Variants in ATP6V1H observed in about 807,000 individuals in gnomAD.
The protein encoded by ATP6V1H is ATPase H+ transporting V1 subunit H, also known as V-type proton ATPase subunit H.
ATP6V1H carries 39 observed loss-of-function variants against 71.7 expected under a neutral mutation model. That is an observed-to-expected ratio of 0.54 (90% CI 0.42 to 0.71). ATP6V1H has a LOEUF of 0.71. Among genes scored for constraint, ATP6V1H ranks in the 30% least tolerant of loss-of-function variants. ATP6V1H has a pLI of 0.00. For missense variants in ATP6V1H, 509 were observed against 594.9 expected, an observed-to-expected ratio of 0.86 and a Z score of 1.50; for synonymous variants, 192 against 199.3, an observed-to-expected ratio of 0.96 and a Z score of 0.31.
rs548219315 is a variant in ATP6V1H, at chr8:53,732,071, T to G, written c.1391+11506A>C. ...GGAAGCGTGGCCTGATCACCCACAG[T>G]GTGCCTTTATTGGCACTTTGGTTTT... is the stretch of plus-strand genomic sequence containing the variant. On this transcript the variant is annotated intron_variant, in intron 13 of 13. Coordinates refer to ENST00000359530, the MANE Select transcript of ATP6V1H (RefSeq NM_015941.4). Among the ~76,000 whole-genome samples, 44 of 152,366 alleles carry G rather than the reference T, an allele frequency of 2.9e-4. 1 individual carries two copies. The highest frequency in any genetic ancestry group is 3.4e-3 in the Middle Eastern group (1 of 294).
At chr8:53,788,798 C>G (rs760210343) in intron 9 of ATP6V1H, among the ~76,000 whole-genome samples, 1 of 152,186 alleles carries the variant, frequency 6.6e-6, no homozygotes, top group African/African-American at 2.4e-5. Flanking sequence ...TTACACTACT[C>G]TATTTCTCAG....
At chr8:53,823,972 TG>T (rs906724586) in intron 4 of ATP6V1H, among the ~76,000 whole-genome samples, 2 of 140,850 alleles carry the variant, frequency 1.4e-5, no homozygotes, top group Non-Finnish European at 3.1e-5. Context: ...ATTAACAAAA[TG>T]GGGGAGAAAC....
chr8:53,725,518 C>G (rs945727766), intron 13 of ATP6V1H, among the ~76,000 whole-genome samples: 1 of 149,514 alleles, frequency 6.7e-6, no homozygotes, highest in Non-Finnish European at 1.5e-5. Context: ...GCAGTCTTGA[C>G]TCAATTTCCA....
chr8:53,783,749 T>C (rs1051051031), intron 9 of ATP6V1H, among the ~76,000 whole-genome samples: 47 of 152,348 alleles, frequency 3.1e-4, no homozygotes, highest in African/African-American at 9.9e-4. Context: ...GTGTCTTTGT[T>C]CTCATTGGTT....
At chr8:53,790,070 C>A (rs1458272459) in intron 9 of ATP6V1H, among the ~76,000 whole-genome samples, 1 of 152,180 alleles carries the variant, frequency 6.6e-6, no homozygotes, top group Non-Finnish European at 1.5e-5. Flanking sequence ...TAACAACTTC[C>A]AATTTAGACA....
chr8:53,724,691 T>G (rs1465258521), intron 13 of ATP6V1H, among the ~76,000 whole-genome samples: 1 of 151,240 alleles, frequency 6.6e-6, no homozygotes, highest in African/African-American at 2.4e-5. Context: ...GCATGTCTAG[T>G]TCTGGTCTGC....
intron 7 of ATP6V1H, among the ~76,000 whole-genome samples, chr8:53,807,908 TA>T (rs1215368433): frequency 6.6e-6 from 1 of 152,220 alleles, no homozygotes; most frequent in African/African-American, 2.4e-5. Flanking sequence ...CACATATGGT[TA>T]GGGGCTGCCA....
intron 11 of ATP6V1H, among the ~76,000 whole-genome samples, chr8:53,766,065 C>CTA (rs947296376): frequency 6.6e-6 from 1 of 152,190 alleles, no homozygotes; most frequent in Non-Finnish European, 1.5e-5. Context: ...ACCCACAGAG[C>CTA]TATACACAAA....
chr8:53,745,764 C>T (rs562684625), intron 12 of ATP6V1H, among the ~76,000 whole-genome samples: 4 of 152,158 alleles, frequency 2.6e-5, no homozygotes, highest in African/African-American at 9.6e-5. Flanking sequence ...AAACAGACCA[C>T]GTAAAGGACG....
intron 9 of ATP6V1H, among the ~76,000 whole-genome samples, chr8:53,777,087 A>G (rs1808916098): frequency 6.6e-6 from 1 of 152,230 alleles, no homozygotes; most frequent in Admixed American, 6.5e-5. Flanking sequence ...TGCAATATCA[A>G]AAGGTCTAAC....
chr8:53,723,632 T>TA (rs1806702351), intron 13 of ATP6V1H, among the ~76,000 whole-genome samples: 1 of 152,230 alleles, frequency 6.6e-6, no homozygotes, highest in African/African-American at 2.4e-5. Flanking sequence ...GTAATTCCCC[T>TA]GCTGGGTGAG....
chr8:53,767,530 T>TAA (rs1189662908), intron 11 of ATP6V1H, among the ~76,000 whole-genome samples: 3 of 152,112 alleles, frequency 2.0e-5, no homozygotes, highest in African/African-American at 4.8e-5. Flanking sequence ...TCTTTTTTTT[T>TAA]ATAAAAAGAA....
intron 12 of ATP6V1H, among the ~76,000 whole-genome samples, chr8:53,744,305 G>A (rs1295257534): frequency 6.6e-6 from 1 of 151,882 alleles, no homozygotes; most frequent in Non-Finnish European, 1.5e-5. Flanking sequence ...ACTGACAACC[G>A]ACACTGCTTT....
intron 10 of ATP6V1H, among the ~76,000 whole-genome samples, 167 bp downstream of exon 10, chr8:53,771,822 C>T (rs1808668847): frequency 6.6e-6 from 1 of 152,022 alleles, no homozygotes; most frequent in South Asian, 2.1e-4. Context: ...CAGTTCTGAC[C>T]AATTGTTGCC....
At chr8:53,772,916 AAAAAAAC>A (rs1354491660) in intron 9 of ATP6V1H, among the ~76,000 whole-genome samples, 1 of 151,558 alleles carries the variant, frequency 6.6e-6, no homozygotes, top group South Asian at 2.1e-4. Context: ...AAAAAAAAAA[AAAAAAAC>A]AAAACAGTAA....
intron 13 of ATP6V1H, among the ~76,000 whole-genome samples, chr8:53,732,672 G>GA (rs577072917): frequency 1.1e-4 from 15 of 140,134 alleles, no homozygotes; most frequent in East Asian, 2.0e-4. Flanking sequence ...AAAAAAAAAA[G>GA]AAAAAAAAAA....
intron 6 of ATP6V1H, 31 bp downstream of exon 6, chr8:53,814,631 T>G: frequency 3.3e-6 from 4 of 1,228,016 alleles, no homozygotes; most frequent in Non-Finnish European, 4.8e-6. Flanking sequence ...TTATATTCCT[T>G]TCAAAGGTAC....
intron 10 of ATP6V1H, among the ~76,000 whole-genome samples, chr8:53,770,894 A>G (rs1337524447): frequency 6.6e-6 from 1 of 152,228 alleles, no homozygotes; most frequent in Non-Finnish European, 1.5e-5. Context: ...TGCCTATTAT[A>G]ATCAATGTAT....
At chr8:53,769,800 T>C (rs199934417) in intron 10 of ATP6V1H, 57 bp from the exon 11 acceptor site, 1 of 1,438,342 alleles carries the variant, frequency 7.0e-7, no homozygotes, top group Non-Finnish European at 9.4e-7. Flanking sequence ...TACTCCAAAA[T>C]TAAGCAAAAT....
Sources: gnomAD v4.1 joint callset for allele counts (sites outside exome capture counted in the v4.1 genomes callset) on GRCh38, gnomAD v4.1.1 for gene constraint, MANE v1.5 for transcripts, NCBI Gene and HGNC (gene_info 2026-07-23, HGNC 2026-07-21) for gene names.